The following ACMSD variants were observed in gnomAD, a reference collection of about 807,000 sequenced individuals.
The protein encoded by ACMSD is 2-amino-3-carboxymuconate-6-semialdehyde decarboxylase.
A neutral mutation model predicts 45.9 loss-of-function variants in ACMSD; 37 were observed. The ratio of observed to expected loss-of-function variants is 0.81; its 90% CI spans 0.62 to 1.06. ACMSD has a LOEUF of 1.06. Among genes scored for constraint, ACMSD ranks in the 50% least tolerant of loss-of-function variants. The probability of loss-of-function intolerance (pLI) is 0.00; values close to 1 mark genes in which losing one functional copy is unlikely to be tolerated. For synonymous variants in ACMSD, 138 were observed against 148.8 expected (o/e 0.93, Z 0.53); for missense variants, 434 against 420.9 (o/e 1.03, Z -0.27).
intron 2 of ACMSD, among the ~76,000 whole-genome samples, chr2:134,858,858 T>G (rs150183892): frequency 6.6e-6 from 1 of 151,066 alleles, no homozygotes; most frequent in East Asian, 1.9e-4. Context: ...AATGAGAGGG[T>G]TGGACTAGGT....
intron 8 of ACMSD, among the ~76,000 whole-genome samples, chr2:134,897,892 T>G (rs1449326221): frequency 6.6e-6 from 1 of 150,874 alleles, no homozygotes; most frequent in African/African-American, 2.4e-5. Flanking sequence ...TTTGTTTTTT[T>G]TTTTTTACTT....
At chr2:134,896,409 A>G (rs1001657827) in intron 8 of ACMSD, among the ~76,000 whole-genome samples, 1 of 152,222 alleles carries the variant, frequency 6.6e-6, no homozygotes, top group Admixed American at 6.5e-5. Context: ...ATGTATCTAT[A>G]AGGCTCTAGT....
chr2:134,845,871 G>A (rs1687031232), intron 2 of ACMSD, among the ~76,000 whole-genome samples: 1 of 152,166 alleles, frequency 6.6e-6, no homozygotes, highest in Non-Finnish European at 1.5e-5. Context: ...ATTTTCAGAG[G>A]CATCATATGT....
chr2:134,859,902 G>A (rs966921817), intron 3 of ACMSD, among the ~76,000 whole-genome samples: 3 of 151,994 alleles, frequency 2.0e-5, no homozygotes, highest in South Asian at 2.1e-4. Flanking sequence ...GGAAGTGTTC[G>A]TTTCAAAGCT....
intron 8 of ACMSD, chr2:134,872,944 C>A: frequency 3.3e-6 from 1 of 301,742 alleles, no homozygotes; most frequent in Non-Finnish European, 6.4e-6. Flanking sequence ...CTATATGCAC[C>A]CAAAATGACA....
At position 134,898,372 on chromosome 2, in the gene ACMSD, TTCCAC is replaced by T; in HGVS notation, c.883_887del (p.Pro295ArgfsTer2). On this transcript the variant is annotated frameshift_variant, in exon 9 of 10. Coordinates refer to ENST00000356140, the MANE Select transcript of ACMSD (RefSeq NM_138326.3). LOFTEE classifies it high-confidence loss of function. ...GTCATTTTGGGAACCGATTACCCCT[TTCCAC>T]TAGGTGAGCTGGAACCTGGGAAACT... 1 of 1,600,808 alleles carries T rather than the reference TTCCAC, an allele frequency of 6.2e-7. No homozygotes were observed.
rs1406325914 is a variant in ACMSD, at chr2:134,855,534, C to A, written c.103-3727C>A. On this transcript the variant is annotated intron_variant, in intron 2 of 9. Coordinates refer to ENST00000356140, the MANE Select transcript of ACMSD (RefSeq NM_138326.3). ...AGAAGAAGGCTAGGCCCTGCCTCCA[C>A]CACGACTGCTGCAGGAGATTCCCCA... Among the ~76,000 whole-genome samples, 3 of 152,242 alleles carry A rather than the reference C, an allele frequency of 2.0e-5. 1 individual carries two copies. The highest frequency in any genetic ancestry group is 4.4e-5 in the Non-Finnish European group (3 of 68,050).
intron 2 of ACMSD, among the ~76,000 whole-genome samples, chr2:134,852,888 G>C (rs1687408207): frequency 6.6e-6 from 1 of 152,044 alleles, no homozygotes; most frequent in African/African-American, 2.4e-5. Flanking sequence ...TTTCTGGCTG[G>C]GCATGGTGCC....
intron 8 of ACMSD, among the ~76,000 whole-genome samples, chr2:134,895,637 G>T (rs914038869): frequency 6.6e-6 from 1 of 152,016 alleles, no homozygotes; most frequent in African/African-American, 2.4e-5. Context: ...AAGGTGGGTG[G>T]ATCACCTGAG....
intron 2 of ACMSD, among the ~76,000 whole-genome samples, chr2:134,857,402 C>T (rs1240185499): frequency 1.3e-5 from 2 of 152,162 alleles, no homozygotes; most frequent in South Asian, 2.1e-4. Context: ...CATACCACTG[C>T]ACTCCACTCC....
intron 8 of ACMSD, among the ~76,000 whole-genome samples, chr2:134,886,610 T>A (rs1235210905): frequency 2.0e-5 from 3 of 152,006 alleles, no homozygotes; most frequent in Admixed American, 1.3e-4. Flanking sequence ...CTCAATCTGA[T>A]AGAGATTGTC....
At chr2:134,877,968 T>C (rs1419242872) in intron 8 of ACMSD, among the ~76,000 whole-genome samples, 1 of 152,152 alleles carries the variant, frequency 6.6e-6, no homozygotes, top group East Asian at 1.9e-4. Flanking sequence ...TCCTCCTAAA[T>C]GCAAAACACC....
chr2:134,877,387 T>A (rs1684385237), intron 8 of ACMSD: 2 of 152,146 alleles, frequency 1.3e-5, no homozygotes, highest in Non-Finnish European at 2.9e-5. Flanking sequence ...GGCCTCTATA[T>A]GTTAGGAATT....
intron 8 of ACMSD, among the ~76,000 whole-genome samples, chr2:134,885,399 T>TTTAAATATATA (rs1689354469): frequency 1.4e-5 from 1 of 71,138 alleles, no homozygotes; most frequent in Admixed American, 2.2e-4. Context: ...AATATATATA[T>TTTAAATATATA]TTATATATAA....
intron 8 of ACMSD, among the ~76,000 whole-genome samples, chr2:134,880,455 A>C (rs1009860515): frequency 1.3e-5 from 2 of 151,854 alleles, no homozygotes; most frequent in African/African-American, 4.8e-5. Flanking sequence ...AGTAGAACCT[A>C]TTTTTGTTTT....
intron 2 of ACMSD, among the ~76,000 whole-genome samples, chr2:134,858,776 A>G (rs6430549): frequency 0.59 from 89,359 of 151,636 alleles, 28,085 homozygotes; most frequent in Middle Eastern, 0.91. Flanking sequence ...TCCCACAGGT[A>G]TTGACACTAG....
At chr2:134,867,746 T>G (rs1688175910) in intron 6 of ACMSD, 74 bp downstream of exon 6, 1 of 1,200,624 alleles carries the variant, frequency 8.3e-7, no homozygotes, top group African/African-American at 1.5e-5. Flanking sequence ...AAACCTATTA[T>G]GTCAAATAGG....
chr2:134,879,788 A>C (rs1260777316), intron 8 of ACMSD, among the ~76,000 whole-genome samples: 4 of 152,228 alleles, frequency 2.6e-5, no homozygotes, highest in Non-Finnish European at 4.4e-5. Flanking sequence ...ACACTAGTCC[A>C]TTAATTCTGT....
chr2:134,864,268 C>CAA (rs370221460), intron 5 of ACMSD, among the ~76,000 whole-genome samples: 32 of 117,968 alleles, frequency 2.7e-4, no homozygotes, highest in Middle Eastern at 3.8e-3. Flanking sequence ...GACTCCATCT[C>CAA]AAAAAAAAAA....
Sources: gnomAD v4.1 joint callset for allele counts (sites outside exome capture counted in the v4.1 genomes callset) on GRCh38, gnomAD v4.1.1 for gene constraint, MANE v1.5 for transcripts, NCBI Gene and HGNC (gene_info 2026-07-23, HGNC 2026-07-21) for gene names.